DOCK3: variants seen among roughly 807,000 people sequenced by gnomAD.
DOCK3 encodes the protein dedicator of cytokinesis protein 3.
In DOCK3, 60 loss-of-function variants were observed where a neutral mutation model predicts 265.6. The observed-to-expected ratio is 0.23, with a 90% CI of 0.18 to 0.28. The LOEUF is 0.28. Among genes scored for constraint, DOCK3 ranks in the 10% least tolerant of loss-of-function variants. The pLI is 1.00. For synonymous variants in DOCK3, 881 were observed against 938.0 expected (o/e 0.94, Z 1.11); for missense variants, 1,981 against 2,594.3 (o/e 0.76, Z 5.14).
intron 5 of DOCK3, among the ~76,000 whole-genome samples, chr3:50,955,141 AC>A (rs2076695593): frequency 1.3e-5 from 2 of 152,204 alleles, no homozygotes; most frequent in African/African-American, 2.4e-5. Context: ...ATATCATCTC[AC>A]ACCAGTCAGA....
At chr3:51,083,455 G>T (rs1428434988) in intron 7 of DOCK3, among the ~76,000 whole-genome samples, 2 of 151,908 alleles carry the variant, frequency 1.3e-5, no homozygotes, top group African/African-American at 4.8e-5. Context: ...CCATAGAAAA[G>T]AAAATGAATG....
At chr3:50,970,236 C>T (rs547427682) in intron 5 of DOCK3, among the ~76,000 whole-genome samples, 5 of 152,012 alleles carry the variant, frequency 3.3e-5, no homozygotes, top group African/African-American at 4.8e-5. Context: ...TTTTCCTTTA[C>T]GTTCACTTTA....
At chr3:50,915,493 G>A (rs1436032919) in intron 4 of DOCK3, among the ~76,000 whole-genome samples, 1 of 152,058 alleles carries the variant, frequency 6.6e-6, no homozygotes, top group Non-Finnish European at 1.5e-5. Context: ...CAGGATGCTA[G>A]TATTGTGTGG....
Position 51,374,235 on chromosome 3 carries a change from G to C in DOCK3, c.5294-234G>C, listed in dbSNP as rs758075987. On this transcript the variant is annotated intron_variant, in intron 49 of 52. Coordinates refer to ENST00000266037, the MANE Select transcript of DOCK3 (RefSeq NM_004947.5). The surrounding 1 kb of genome is among the most constrained non-coding windows in gnomAD (Gnocchi z 4.8). ...TGAGCATGGTGGGGACTCTGTCAGC[G>C]GATCTGCATCTCACCAGCCTGCTGT... Among the ~76,000 whole-genome samples the C allele has an allele frequency of 6.6e-6, 1 of 152,154 alleles. No homozygotes were observed. Among genetic ancestry groups the C allele is most frequent in the South Asian group, 2.1e-4 (1 of 4,824 alleles).
intron 9 of DOCK3, among the ~76,000 whole-genome samples, chr3:51,104,872 T>C (rs547894488): frequency 1.3e-5 from 2 of 152,268 alleles, no homozygotes; most frequent in Admixed American, 1.3e-4. Flanking sequence ...CATTGCAGCG[T>C]TAACCTCCTA....
chr3:50,875,672 T>A (rs1575420192), intron 3 of DOCK3, among the ~76,000 whole-genome samples: 2 of 152,282 alleles, frequency 1.3e-5, no homozygotes, highest in Middle Eastern at 6.8e-3. Flanking sequence ...CGATGAATGA[T>A]GTTTTTGATA....
At chr3:51,356,631 C>A in intron 43 of DOCK3, 138 bp downstream of exon 43, 2 of 825,834 alleles carry the variant, frequency 2.4e-6, no homozygotes, top group Non-Finnish European at 3.9e-6. Context: ...CAACCCTGTG[C>A]TAGGATCTTT....
chr3:51,113,361 C>A (rs889469992), intron 9 of DOCK3, among the ~76,000 whole-genome samples: 3 of 152,072 alleles, frequency 2.0e-5, no homozygotes, highest in African/African-American at 7.2e-5. Flanking sequence ...AGTGACTGAC[C>A]CCACAACAAT....
At chr3:50,696,146 A>T (rs1241025354) in intron 1 of DOCK3, among the ~76,000 whole-genome samples, 2 of 152,198 alleles carry the variant, frequency 1.3e-5, no homozygotes, top group African/African-American at 4.8e-5. Flanking sequence ...CTCCTTTTAT[A>T]ATTGGGGACC....
At chr3:51,243,029 G>T (rs1216932264) in intron 21 of DOCK3, among the ~76,000 whole-genome samples, 1 of 152,152 alleles carries the variant, frequency 6.6e-6, no homozygotes, top group Non-Finnish European at 1.5e-5. Flanking sequence ...CCTGCAAGCA[G>T]GTATGGCCAG....
chr3:51,029,618 C>T (rs1300222231), intron 5 of DOCK3, among the ~76,000 whole-genome samples: 1 of 152,210 alleles, frequency 6.6e-6, no homozygotes, highest in East Asian at 1.9e-4. Context: ...CCCTTTGTCC[C>T]AAGGCGGGGC....
At chr3:50,884,556 G>A (rs1201057612) in intron 3 of DOCK3, among the ~76,000 whole-genome samples, 1 of 152,094 alleles carries the variant, frequency 6.6e-6, no homozygotes, top group Non-Finnish European at 1.5e-5. Context: ...TAGGTAAGGT[G>A]TTGTTTCTCT....
intron 2 of DOCK3, among the ~76,000 whole-genome samples, chr3:50,823,311 C>A (rs539068670): frequency 7.5e-4 from 114 of 152,244 alleles, no homozygotes; most frequent in Non-Finnish European, 3.7e-4. Context: ...TGCGGCCTTC[C>A]GGCCTTCCAC....
intron 12 of DOCK3, among the ~76,000 whole-genome samples, chr3:51,167,448 A>G (rs550685308): frequency 6.6e-6 from 1 of 152,262 alleles, no homozygotes; most frequent in South Asian, 2.1e-4. Flanking sequence ...GGTTCCATAC[A>G]AATTTCAGGA....
At position 51,238,289 on chromosome 3, in the gene DOCK3, CCCA is replaced by C. The variant is rs1407423496; in HGVS notation, c.2102+707_2102+709del. Among the ~76,000 whole-genome samples, 6 of 151,598 alleles carry C rather than the reference CCCA, an allele frequency of 4.0e-5. 1 individual carries two copies. The highest frequency in any genetic ancestry group is 1.5e-4 in the African/African-American group (6 of 41,362). On this transcript the variant is annotated intron_variant, in intron 21 of 52. Transcript: ENST00000266037. ...TCCCGAGTAGCTGGGACTGCAGGTGCCCACCACCACACCTGGCTAATTTTTTGT... is the reference window on the plus strand; with the variant it reads ...TCCCGAGTAGCTGGGACTGCAGGTGCCCACCACACCTGGCTAATTTTTTGT...
chr3:51,070,239 T>C (rs1008498991), intron 6 of DOCK3, among the ~76,000 whole-genome samples: 8 of 152,256 alleles, frequency 5.3e-5, no homozygotes, highest in Admixed American at 5.2e-4. Flanking sequence ...ATTTGTTTCC[T>C]TCTGGTTTGA....
intron 9 of DOCK3, among the ~76,000 whole-genome samples, chr3:51,126,479 A>T (rs558466876): frequency 6.6e-6 from 1 of 152,210 alleles, no homozygotes. Context: ...AGCAAAACAC[A>T]TGGAAGGGAA....
chr3:51,273,928 C>T (rs565716622), intron 24 of DOCK3, among the ~76,000 whole-genome samples: 2 of 152,302 alleles, frequency 1.3e-5, no homozygotes, highest in South Asian at 2.1e-4. Context: ...CACATGTCTC[C>T]TAACCTTCCT....
chr3:50,966,317 G>A (rs1273638350), intron 5 of DOCK3, among the ~76,000 whole-genome samples: 2 of 151,990 alleles, frequency 1.3e-5, no homozygotes, highest in Admixed American at 1.3e-4. Flanking sequence ...ATTCCTTTGG[G>A]TATATACCCA....
Sources: allele counts gnomAD v4.1 joint callset (sites outside exome capture counted in the v4.1 genomes callset), GRCh38; gene constraint gnomAD v4.1.1; non-coding constraint Gnocchi (gnomAD v3.1); transcripts MANE v1.5; gene names NCBI Gene and HGNC (gene_info 2026-07-23, HGNC 2026-07-21).